BBS2: variants seen among roughly 807,000 people sequenced by gnomAD.
BBS2 encodes the protein BBSome complex member BBS2.
A neutral mutation model predicts 83.0 loss-of-function variants in BBS2; 62 were observed. That is an observed-to-expected ratio of 0.75 (90% CI 0.61 to 0.92). BBS2 has a LOEUF of 0.92. BBS2 is among the 40% of genes least tolerant of loss of function. The probability of loss-of-function intolerance (pLI) is 0.00; values close to 1 mark genes in which losing one functional copy is unlikely to be tolerated. For missense variants in BBS2, 784 were observed against 901.0 expected (o/e 0.87, Z 1.66); for synonymous variants, 303 against 326.1 (o/e 0.93, Z 0.76).
chr16:56,519,667 G>A (rs1964861410), intron 1 of BBS2, 79 bp downstream of exon 1: 20 of 1,202,736 alleles, frequency 1.7e-5, no homozygotes, highest in Admixed American at 5.2e-5. Flanking sequence ...TCGGAGAGGG[G>A]ACGGGATCCC....
intron 14 of BBS2, 97 bp downstream of exon 14, chr16:56,497,646 C>A (rs1964151436): frequency 6.5e-7 from 1 of 1,537,030 alleles, no homozygotes; most frequent in South Asian, 1.1e-5. Flanking sequence ...TTCTTGAAAA[C>A]ATCACTATAA....
At chr16:56,497,920 TGTTAGACAAACTTAGCTAAAATA>T in intron 13 of BBS2, 40 bp from the exon 14 acceptor site, 1 of 1,598,340 alleles carries the variant, frequency 6.3e-7, no homozygotes, top group Non-Finnish European at 8.5e-7. Context: ...CATCCTCAGA[TGTTAGACAAACTTAGCTAAAATA>T]GTACCTGAAT....
intron 9 of BBS2, 125 bp from the exon 10 acceptor site, chr16:56,501,622 T>A: frequency 7.7e-7 from 1 of 1,306,440 alleles, no homozygotes; most frequent in Non-Finnish European, 1.1e-6. Flanking sequence ...ATTATAGTAA[T>A]CTGATTCTTT....
chr16:56,473,510 A>G (rs528200598), intron 17 of BBS2, among the ~76,000 whole-genome samples: 3 of 152,324 alleles, frequency 2.0e-5, no homozygotes, highest in African/African-American at 7.2e-5. Flanking sequence ...ATTTTAAGGC[A>G]GTTGCCAAAT....
intron 17 of BBS2, chr16:56,474,927 T>G: frequency 1.2e-6 from 2 of 1,614,004 alleles, no homozygotes; most frequent in Non-Finnish European, 1.7e-6. Context: ...GCCCTAGACT[T>G]AATTCTGTAC....
intron 17 of BBS2, among the ~76,000 whole-genome samples, chr16:56,473,274 TAGA>T (rs1210825662): frequency 6.6e-6 from 1 of 152,224 alleles, no homozygotes; most frequent in East Asian, 1.9e-4. Flanking sequence ...ATTGCATTTC[TAGA>T]AGCTTTTATT....
Position 56,484,388 on chromosome 16 carries a change from AAC to A in BBS2, c.*371_*372del. 1 of 192,156 alleles carries A rather than the reference AAC, an allele frequency of 5.2e-6. No homozygotes were observed. Among genetic ancestry groups the A allele is most frequent in the Non-Finnish European group, 1.1e-5 (1 of 91,186 alleles). The allele number at this position is 192,156 out of a possible 1,614,324, so 11.9% of individuals were successfully genotyped here. A position where few individuals can be genotyped will look rare whatever the true frequency, so the allele number is the denominator to read the frequency against. On this transcript the variant is annotated 3_prime_UTR_variant, in exon 17 of 17. Transcript: ENST00000245157. Reference sequence around the variant, plus strand: ...TTTATAATCAATCAACACAAAGTTTAACATCTTTACATTTTAATGAAAAAGTA... The same window carrying A: ...TTTATAATCAATCAACACAAAGTTTAATCTTTACATTTTAATGAAAAAGTA...
chr16:56,477,082 T>G (rs1279457207), intron 17 of BBS2: 2 of 152,246 alleles, frequency 1.3e-5, no homozygotes, highest in Non-Finnish European at 2.9e-5. Context: ...TGAGCCGAGA[T>G]TGTGCCACTG....
At chr16:56,508,724 T>A (rs1295012927) in intron 5 of BBS2, among the ~76,000 whole-genome samples, 1 of 152,076 alleles carries the variant, frequency 6.6e-6, no homozygotes, top group African/African-American at 2.4e-5. Flanking sequence ...TAGCTCACTG[T>A]AGCCTCAAGC....
At chr16:56,475,168 C>T (rs561396532) in intron 17 of BBS2, among the ~76,000 whole-genome samples, 1 of 152,244 alleles carries the variant, frequency 6.6e-6, no homozygotes, top group Admixed American at 6.5e-5. Flanking sequence ...GGAGATGGAC[C>T]ACACCATAAT....
chr16:56,506,787 T>C lies in BBS2; in HGVS notation c.613-563A>G, dbSNP rs1412898478. ...CAGGCACGTGGATTTGTGTAGTATA[T>C]AACAATATACAGAATGCATATATGA... On this transcript the variant is annotated intron_variant, in intron 5 of 16. Coordinates refer to ENST00000245157, the MANE Select transcript of BBS2 (RefSeq NM_031885.5). Among the ~76,000 whole-genome samples, 7 of 152,202 alleles carry C rather than the reference T, an allele frequency of 4.6e-5. No homozygotes were observed. The East Asian group carries it at 9.6e-4, about 21-fold the overall frequency.
chr16:56,500,015 G>C, intron 11 of BBS2, 108 bp from the exon 12 acceptor site: 1 of 1,388,316 alleles, frequency 7.2e-7, no homozygotes, highest in Non-Finnish European at 1.0e-6. Flanking sequence ...TGATATTTAA[G>C]GGTTTCACTT....
intron 15 of BBS2, among the ~76,000 whole-genome samples, chr16:56,494,010 T>C (rs1055909712): frequency 1.3e-5 from 2 of 152,094 alleles, no homozygotes; most frequent in Admixed American, 6.5e-5. Flanking sequence ...CCAGGCTGGA[T>C]TGCAGTGTCA....
At chr16:56,518,082 G>A (rs1233605608) in intron 1 of BBS2, among the ~76,000 whole-genome samples, 1 of 152,104 alleles carries the variant, frequency 6.6e-6, no homozygotes, top group African/African-American at 2.4e-5. Context: ...CTCTCAAAGT[G>A]CTGGGATTAC....
At chr16:56,487,054 C>T (rs570813540) in intron 15 of BBS2, among the ~76,000 whole-genome samples, 6 of 151,888 alleles carry the variant, frequency 4.0e-5, no homozygotes, top group African/African-American at 1.2e-4. Context: ...GTGAGCCACC[C>T]GGCCAGTGAT....
At chr16:56,478,985 G>C (rs1367824230) in intron 17 of BBS2, 1 of 152,188 alleles carries the variant, frequency 6.6e-6, no homozygotes, top group Non-Finnish European at 1.5e-5. Context: ...TTTGCATCTT[G>C]ATTGCTTTTT....
In BBS2 at chr16:56,484,867, A is replaced by G. The variant is rs578231261; in HGVS notation, c.2060T>C (p.Val687Ala). ...QAIQRAGRLR[V>A]GKPKNQVITA... ...GATCACCTGGTTCTTTGGTTTTCCA[A>G]CTGCATAAGAAGAAACATCAGGAAC... is the stretch of plus-strand genomic sequence containing the variant. Residue 687 changes from valine (V) to alanine (A), a missense_variant and splice_region_variant, in exon 17 of 17, where the codon GTT becomes GCT. By Grantham distance (64) the Val-to-Ala change is moderately conservative. Coordinates refer to ENST00000245157, the MANE Select transcript of BBS2 (RefSeq NM_031885.5). The G allele has an allele frequency of 3.1e-6, 5 of 1,612,730 alleles. No individual in the cohort carries two copies. The Admixed American group carries it at 5.0e-5, about 16-fold the overall frequency.
At position 56,501,034 on chromosome 16, in the gene BBS2, A is replaced by T. The variant is rs775700784; in HGVS notation, c.1226-9T>A. On this transcript the variant is annotated splice_polypyrimidine_tract_variant and intron_variant, in intron 10 of 16. Coordinates refer to ENST00000245157, the MANE Select transcript of BBS2 (RefSeq NM_031885.5). ...TGCTCGGATGATGGTGTCTGCAGGG[A>T]AGAGTAAAAACAGTTTAAGAACAAC... 2 of 1,614,126 alleles carry T rather than the reference A, an allele frequency of 1.2e-6. No homozygotes were observed. The highest frequency in any genetic ancestry group is 2.2e-5 in the South Asian group (2 of 91,078).
In BBS2 at chr16:56,486,983, C is replaced by T. The variant is rs376913353; in HGVS notation, c.1911-1245G>A. 2.0e-5 allele frequency among the ~76,000 whole-genome samples: 3 copies of T among 151,892 alleles called. No homozygotes were observed. The South Asian group carries it at 6.2e-4, about 31-fold the overall frequency. On this transcript the variant is annotated intron_variant, in intron 15 of 16. Transcript: ENST00000245157. ...TTCACCATGTTGGCCAGGCTGGTCTCGAACTCCTGGCTTCAAGTGATCCAC... is the reference window on the plus strand; with the variant it reads ...TTCACCATGTTGGCCAGGCTGGTCTTGAACTCCTGGCTTCAAGTGATCCAC...
Sources: gnomAD v4.1 joint callset for allele counts (sites outside exome capture counted in the v4.1 genomes callset) on GRCh38, gnomAD v4.1.1 for gene constraint, MANE v1.5 for transcripts, NCBI Gene and HGNC (gene_info 2026-07-23, HGNC 2026-07-21) for gene names.